Variants in FARSB observed in about 807,000 individuals in gnomAD.
The protein encoded by FARSB is phenylalanine--tRNA ligase beta subunit.
A neutral mutation model predicts 69.6 loss-of-function variants in FARSB; 40 were observed. The ratio of observed to expected loss-of-function variants is 0.57; its 90% CI spans 0.45 to 0.75. FARSB has a LOEUF of 0.75. FARSB is among the 30% of genes least tolerant of loss of function. FARSB has a pLI of 0.00. For missense variants in FARSB, 632 were observed against 722.9 expected, an observed-to-expected ratio of 0.87 and a Z score of 1.44; for synonymous variants, 235 against 247.2, an observed-to-expected ratio of 0.95 and a Z score of 0.46.
intron 10 of FARSB, among the ~76,000 whole-genome samples, chr2:222,628,522 ATGT>A (rs1044177222): frequency 1.3e-5 from 2 of 152,212 alleles, no homozygotes; most frequent in African/African-American, 2.4e-5. Flanking sequence ...TGACCACACA[ATGT>A]TGTTGTATAA....
At chr2:222,643,757 A>C (rs1691780567) in intron 2 of FARSB, among the ~76,000 whole-genome samples, 1 of 152,234 alleles carries the variant, frequency 6.6e-6, no homozygotes, top group Admixed American at 6.5e-5. Context: ...AGTGCAGCAG[A>C]ATGAAGGCAG....
rs778396151 is a variant in FARSB, at chr2:222,623,621, T to C, written c.1251+29A>G. The C allele has an allele frequency of 9.8e-6, 12 of 1,230,692 alleles. No individual in the cohort carries two copies. In the South Asian group the frequency reaches 1.3e-4, roughly 14 times the overall value. The allele number at this position is 1,230,692 out of a possible 1,614,324, so 76.2% of individuals were successfully genotyped here. A position where few individuals can be genotyped will look rare whatever the true frequency, so the allele number is the denominator to read the frequency against. On this transcript the variant is annotated intron_variant, in intron 13 of 16. Transcript: ENST00000281828. ...TTCAGAGAGTCTAAGTAAATAATCA[T>C]CTGGGCAGAAAAAGCATGTAAGACA...
chr2:222,645,725 T>C (rs1559217094), intron 2 of FARSB, among the ~76,000 whole-genome samples: 1 of 152,126 alleles, frequency 6.6e-6, no homozygotes, highest in East Asian at 1.9e-4. Context: ...TATTTTACCA[T>C]AGAATTTCTA....
chr2:222,652,438 G>T (rs1391614027), intron 1 of FARSB, among the ~76,000 whole-genome samples: 1 of 152,166 alleles, frequency 6.6e-6, no homozygotes, highest in African/African-American at 2.4e-5. Context: ...CTGTGATCAA[G>T]AGAATATGAG....
Position 222,600,019 on chromosome 2 carries a change from C to T in FARSB, c.1527G>A (p.Glu509=), listed in dbSNP as rs756280936. 1.2e-6 allele frequency: 2 copies of T among 1,612,080 alleles called. No homozygotes were observed. Among genetic ancestry groups the T allele is most frequent in the Non-Finnish European group, 1.7e-6 (2 of 1,179,500 alleles). Residue 509 remains glutamate, a synonymous_variant, in exon 16 of 17, where the codon GAG becomes GAA. Coordinates refer to ENST00000281828, the MANE Select transcript of FARSB (RefSeq NM_005687.5). ...TTCTGTCCAGCAGCCCATGAATGAT[C>T]TCAAACCCAGGATTCTTGTTGTAAT... is the stretch of plus-strand genomic sequence containing the variant. ...AVYYNKNPGF[E]IIHGLLDRIM...
chr2:222,647,017 C>G (rs1691882825), intron 2 of FARSB, among the ~76,000 whole-genome samples: 1 of 152,176 alleles, frequency 6.6e-6, no homozygotes, highest in East Asian at 1.9e-4. Flanking sequence ...AAAGTCAAAA[C>G]CTGATTATGC....
At chr2:222,582,032 T>A (rs992667491) in intron 16 of FARSB, among the ~76,000 whole-genome samples, 8 of 152,208 alleles carry the variant, frequency 5.3e-5, no homozygotes, top group Non-Finnish European at 8.8e-5. Flanking sequence ...AGTGAAAATA[T>A]GAATTTATTT....
intron 16 of FARSB, among the ~76,000 whole-genome samples, chr2:222,592,150 A>C (rs1690289846): frequency 6.6e-6 from 1 of 152,170 alleles, no homozygotes; most frequent in African/African-American, 2.4e-5. Flanking sequence ...AACAAGATGG[A>C]AGTTTTATTT....
intron 13 of FARSB, among the ~76,000 whole-genome samples, chr2:222,620,985 G>A (rs1317738795): frequency 6.6e-6 from 1 of 152,238 alleles, no homozygotes; most frequent in Admixed American, 6.5e-5. Flanking sequence ...TACAGCTGCT[G>A]AGATGGAGAA....
At position 222,648,702 on chromosome 2, in the gene FARSB, C is replaced by A. The variant is rs765260369; in HGVS notation, c.114+38G>T. 14 of 1,289,394 alleles carry A rather than the reference C, an allele frequency of 1.1e-5. No individual in the cohort carries two copies. In the Admixed American group the frequency reaches 1.2e-4, roughly 11 times the overall value. 79.9% of individuals were successfully genotyped at this position (1,289,394 alleles called of 1,614,324 possible). A position where few individuals can be genotyped will look rare whatever the true frequency, so the allele number is the denominator to read the frequency against. ...TAACCCTGAAAAATAAGCTTATGCA[C>A]ACAATCTTTGAAAAATAGACAAATA... On this transcript the variant is annotated intron_variant, in intron 2 of 16. Transcript: ENST00000281828.
At chr2:222,642,340 T>C (rs1197746836) in intron 3 of FARSB, among the ~76,000 whole-genome samples, 1 of 152,208 alleles carries the variant, frequency 6.6e-6, no homozygotes, top group Non-Finnish European at 1.5e-5. Flanking sequence ...AGGGGCCTTA[T>C]AAATCTTCTT....
At chr2:222,604,089 G>T (rs113460337) in intron 15 of FARSB, among the ~76,000 whole-genome samples, 170 of 152,092 alleles carry the variant, frequency 1.1e-3, no homozygotes, top group Non-Finnish European at 1.9e-3. Context: ...ATGGTGGCAG[G>T]CACCTGTAGT....
intron 10 of FARSB, among the ~76,000 whole-genome samples, chr2:222,628,376 C>T (rs185992079): frequency 1.3e-5 from 2 of 152,242 alleles, no homozygotes; most frequent in East Asian, 1.9e-4. Flanking sequence ...TTGATCATTA[C>T]ATATTATATA....
chr2:222,614,584 C>A (rs1391642003), intron 14 of FARSB, among the ~76,000 whole-genome samples: 1 of 152,190 alleles, frequency 6.6e-6, no homozygotes, highest in Non-Finnish European at 1.5e-5. Context: ...GTGGCTCATG[C>A]CTGTAATCCC....
rs557676189 is a variant in FARSB, at chr2:222,621,853, A to G, written c.1251+1797T>C. ...TAGGCTTGCCTATAAACATCTTTAT[A>G]AACATCTTTAATGTTGAAATTCCTA... On this transcript the variant is annotated intron_variant, in intron 13 of 16. Coordinates refer to ENST00000281828, the MANE Select transcript of FARSB (RefSeq NM_005687.5). Among the ~76,000 whole-genome samples, 9 of 152,368 alleles carry G rather than the reference A, an allele frequency of 5.9e-5. No individual in the cohort carries two copies. The East Asian group carries it at 1.7e-3, about 29-fold the overall frequency.
At chr2:222,594,339 AAATAT>A (rs1264174918) in intron 16 of FARSB, among the ~76,000 whole-genome samples, 8 of 152,144 alleles carry the variant, frequency 5.3e-5, no homozygotes, top group Admixed American at 5.2e-4. Flanking sequence ...GCTGATTGGC[AAATAT>A]AATTTGATAC....
intron 15 of FARSB, among the ~76,000 whole-genome samples, chr2:222,603,942 C>T (rs184889871): frequency 2.0e-5 from 3 of 151,808 alleles, no homozygotes; most frequent in Non-Finnish European, 4.4e-5. Flanking sequence ...TGAGGCCAGG[C>T]GCGGTGGCTC....
In FARSB at chr2:222,624,714, C is replaced by T; in HGVS notation, c.962G>A (p.Arg321Lys). The T allele has an allele frequency of 6.3e-7, 1 of 1,599,198 alleles. No individual in the cohort carries two copies. The highest frequency in any genetic ancestry group is 8.5e-7 in the Non-Finnish European group (1 of 1,170,142). The change falls in exon 11 of 17, where the codon AGA (arginine) becomes AAA (lysine). Residue 321 changes from arginine (R) to lysine (K), a missense_variant and splice_region_variant. By Grantham distance (26) the Arg-to-Lys change is conservative. Transcript: ENST00000281828. ...ATTAAGTGAAGTTTTCAGAGCATAC[C>T]TGATTCCAACTTTTTTGTTAATTAG... The part of the protein sequence containing the change: ...ADLINKKVGI[R>K]ETPENLAKLL...
At chr2:222,629,767 G>C (rs1161886344) in intron 9 of FARSB, among the ~76,000 whole-genome samples, 1 of 152,074 alleles carries the variant, frequency 6.6e-6, no homozygotes, top group Non-Finnish European at 1.5e-5. Context: ...TAAAGCCAGT[G>C]TCTCATTCTG....
Sources: gnomAD v4.1 joint callset for allele counts (sites outside exome capture counted in the v4.1 genomes callset) on GRCh38, gnomAD v4.1.1 for gene constraint, MANE v1.5 for transcripts, NCBI Gene and HGNC (gene_info 2026-07-23, HGNC 2026-07-21) for gene names.